The following GOSR2 variants were observed in gnomAD, a reference collection of about 807,000 sequenced individuals.
The protein encoded by GOSR2 is golgi SNAP receptor complex member 2.
Under a neutral mutation model 27.9 loss-of-function variants are expected in GOSR2, and 20 were observed. The ratio of observed to expected loss-of-function variants is 0.72; its 90% CI spans 0.50 to 1.04. GOSR2 has a LOEUF of 1.04. Ranked by LOEUF, GOSR2 falls within the 50% of genes least tolerant of loss-of-function variation. The pLI is 0.00. For missense variants in GOSR2, 261 were observed against 270.5 expected (o/e 0.97, Z 0.25); for synonymous variants, 91 against 98.8 (o/e 0.92, Z 0.47).
intron 2 of GOSR2, chr17:46,929,980 T>G (rs2087071911): frequency 5.9e-6 from 1 of 170,858 alleles, no homozygotes; most frequent in Non-Finnish European, 1.3e-5. Flanking sequence ...CGAACAGCAA[T>G]ATTAATTAGT....
intron 2 of GOSR2, 49 bp downstream of exon 2, chr17:46,929,633 G>A: frequency 1.1e-6 from 1 of 917,792 alleles, no homozygotes; most frequent in Middle Eastern, 2.2e-4. Context: ...ATGACAGGGT[G>A]CTAATGGGCT....
chr17:46,937,991 G>C (rs75632336), intron 5 of GOSR2: 1 of 158,610 alleles, frequency 6.3e-6, no homozygotes, highest in East Asian at 1.8e-4. Flanking sequence ...CCTTAGCCTC[G>C]CAAGTAGCTA....
At chr17:46,932,513 A>T in intron 4 of GOSR2, 1 of 580,396 alleles carries the variant, frequency 1.7e-6, no homozygotes. Context: ...TTCTGATCAG[A>T]TAGAGACAGA....
At chr17:46,947,358 C>G (rs2089989798) in intron 6 of GOSR2, among the ~76,000 whole-genome samples, 1 of 152,176 alleles carries the variant, frequency 6.6e-6, no homozygotes, top group Non-Finnish European at 1.5e-5. Flanking sequence ...CCTGCTCCCT[C>G]CCCACCCTGC....
At position 46,935,353 on chromosome 17, in the gene GOSR2, GTTCC is replaced by G. The variant is rs748073627; in HGVS notation, c.477+187_477+190del. 5.6e-5 allele frequency: 81 copies of G among 1,458,620 alleles called. No homozygotes were observed. In the Middle Eastern group the frequency reaches 1.4e-3, roughly 25 times the overall value. The allele number at this position is 1,458,620 out of a possible 1,614,324, so 90.4% of individuals were successfully genotyped here. A position where few individuals can be genotyped will look rare whatever the true frequency, so the allele number is the denominator to read the frequency against. ...GTTATTGTGAGCCTGAAAGTACCCA[GTTCC>G]TTTGCCAGTGCTTGAAACAAACCAT... is the stretch of plus-strand genomic sequence containing the variant. On this transcript the variant is annotated intron_variant, in intron 5 of 5. Coordinates refer to ENST00000640051, the MANE Select transcript of GOSR2 (RefSeq NM_004287.5).
At chr17:46,952,096 T>C (rs976403574) in intron 6 of GOSR2, among the ~76,000 whole-genome samples, 2 of 152,206 alleles carry the variant, frequency 1.3e-5, no homozygotes, top group African/African-American at 2.4e-5. Flanking sequence ...TTTTGGTGCA[T>C]TTTCTTTCTA....
In GOSR2 at chr17:46,941,990, T is replaced by A. The variant is rs1237006779; in HGVS notation, c.*3230T>A. The stretch of plus-strand genomic sequence containing the variant: ...GGTGTAAAGAGCAAAACTTGTTAAG[T>A]CCAAAATAAATTCTTACTGTTTATA... On this transcript the variant is annotated 3_prime_UTR_variant, in exon 6 of 6. Transcript: ENST00000640051. 1.0e-6 allele frequency: 1 copy of A among 980,556 alleles called. No homozygotes were observed. Among genetic ancestry groups the A allele is most frequent in the East Asian group, 1.1e-4 (1 of 8,802 alleles). 60.7% of individuals were successfully genotyped at this position (980,556 alleles called of 1,614,324 possible). A position where few individuals can be genotyped will look rare whatever the true frequency, so the allele number is the denominator to read the frequency against.
At chr17:46,962,680 C>T (rs757666098) in intron 6 of GOSR2, among the ~76,000 whole-genome samples, 11 of 152,192 alleles carry the variant, frequency 7.2e-5, no homozygotes, top group Non-Finnish European at 1.3e-4. Flanking sequence ...AGCCTTCCAG[C>T]TGTCCCTGCC....
At chr17:46,966,787 T>C (rs567820788) in exon 7 of GOSR2, 16 of 428,570 alleles carry the variant, frequency 3.7e-5, no homozygotes, top group African/African-American at 2.8e-4. Context: ...CTTGCAAGAA[T>C]TATTTGATGT....
intron 1 of GOSR2, 38 bp downstream of exon 1, chr17:46,923,259 G>A: frequency 6.4e-7 from 1 of 1,550,516 alleles, no homozygotes; most frequent in Non-Finnish European, 8.7e-7. Flanking sequence ...GGCTAGACGA[G>A]GCGAGGCCAG....
At chr17:46,957,613 AAAAC>A (rs143887393) in intron 6 of GOSR2, among the ~76,000 whole-genome samples, 60,400 of 151,268 alleles carry the variant, frequency 0.4, 12,221 homozygotes, top group South Asian at 0.47. Flanking sequence ...ACTTGGTCTC[AAAAC>A]AAACAAACAA....
At chr17:46,965,118 CATT>C (rs2147324011) in intron 6 of GOSR2, 1 of 152,306 alleles carries the variant, frequency 6.6e-6, no homozygotes, top group East Asian at 1.9e-4. Flanking sequence ...TGGAGTATCT[CATT>C]ATCCTAGTCT....
At chr17:46,925,177 C>T (rs1436523019) in intron 1 of GOSR2, among the ~76,000 whole-genome samples, 6 of 152,162 alleles carry the variant, frequency 3.9e-5, no homozygotes, top group Non-Finnish European at 8.8e-5. Flanking sequence ...GTGGGCTATA[C>T]GGTCTCTGTA....
At chr17:46,923,422 G>A in intron 1 of GOSR2, 1 of 1,436,008 alleles carries the variant, frequency 7.0e-7, no homozygotes. Flanking sequence ...GCTGGGGCCT[G>A]GAGACGTGGG....
chr17:46,961,037 A>C (rs1216770795), intron 6 of GOSR2, among the ~76,000 whole-genome samples: 1 of 152,194 alleles, frequency 6.6e-6, no homozygotes, highest in Non-Finnish European at 1.5e-5. Context: ...AGTTTAAAAA[A>C]AACAAGGTGG....
At chr17:46,942,363 T>TA (rs1253843488), downstream of GOSR2, among the ~76,000 whole-genome samples, 1 of 152,194 alleles carries the variant, frequency 6.6e-6, no homozygotes, top group Non-Finnish European at 1.5e-5. Flanking sequence ...CCCTCTCACT[T>TA]ATGTTCTCCA....
At chr17:46,970,555 A>G (rs909750063), downstream of GOSR2, among the ~76,000 whole-genome samples, 2 of 151,344 alleles carry the variant, frequency 1.3e-5, no homozygotes, top group Non-Finnish European at 2.9e-5. Context: ...AAAAAAAAAA[A>G]AAAAACTCAA....
exon 7 of GOSR2, chr17:46,966,838 C>T (rs1423172935): frequency 2.4e-6 from 1 of 420,572 alleles, no homozygotes; most frequent in African/African-American, 2.0e-5. Flanking sequence ...GTGCTTCACA[C>T]CATTCCTGGC....
chr17:46,949,545 C>T (rs9911967), intron 6 of GOSR2, among the ~76,000 whole-genome samples: 50,330 of 152,032 alleles, frequency 0.33, 9,136 homozygotes, highest in South Asian at 0.49. Flanking sequence ...GGAATTGACA[C>T]GGTGGGTGGC....
Sources: allele counts gnomAD v4.1 joint callset (sites outside exome capture counted in the v4.1 genomes callset), GRCh38; gene constraint gnomAD v4.1.1; transcripts MANE v1.5; gene names NCBI Gene and HGNC (gene_info 2026-07-23, HGNC 2026-07-21).